The following SLC6A11 variants were observed in gnomAD, a reference collection of about 807,000 sequenced individuals.
The protein encoded by SLC6A11 is sodium- and chloride-dependent GABA transporter 3.
SLC6A11 carries 25 observed loss-of-function variants against 74.8 expected under a neutral mutation model. The observed-to-expected ratio is 0.33, with a 90% CI of 0.24 to 0.47. The LOEUF (loss-of-function observed/expected upper bound fraction) is 0.47, where lower values mean the gene tolerates loss of function less well. Ranked by LOEUF, SLC6A11 falls within the 20% of genes least tolerant of loss-of-function variation. The pLI is 1.00. For synonymous variants in SLC6A11, 330 were observed against 330.2 expected, an observed-to-expected ratio of 1.00 and a Z score of 0.01; for missense variants, 574 against 837.0, an observed-to-expected ratio of 0.69 and a Z score of 3.88.
chr3:10,826,510 A>T (rs1339993475), intron 4 of SLC6A11, among the ~76,000 whole-genome samples: 1 of 152,224 alleles, frequency 6.6e-6, no homozygotes, highest in Non-Finnish European at 1.5e-5. Context: ...TGCACCACTC[A>T]TTTCCTTTGT....
intron 4 of SLC6A11, among the ~76,000 whole-genome samples, chr3:10,834,520 T>C (rs1694341304): frequency 6.6e-6 from 1 of 152,090 alleles, no homozygotes; most frequent in Non-Finnish European, 1.5e-5. Flanking sequence ...CTTTAGGAAG[T>C]GGCTTTAGAG....
chr3:10,918,716 G>A lies in SLC6A11; in HGVS notation c.1120+263G>A, dbSNP rs1352867155. Among the ~76,000 whole-genome samples, 6 of 152,050 alleles carry A rather than the reference G, an allele frequency of 3.9e-5. No individual in the cohort carries two copies. The East Asian group carries it at 5.8e-4, about 15-fold the overall frequency. The stretch of plus-strand genomic sequence containing the variant: ...TCATTCATTTCTCCCAAGCTTCACC[G>A]TCTCCCCACTAGCCCGGACCACCAT... On this transcript the variant is annotated intron_variant, in intron 8 of 13. Coordinates refer to ENST00000254488, the MANE Select transcript of SLC6A11 (RefSeq NM_014229.3). This position sits in a 1 kb window ranked among gnomAD's most constrained non-coding sequence, Gnocchi z 4.5.
At chr3:10,818,600 G>GGA (rs1376787636) in intron 1 of SLC6A11, among the ~76,000 whole-genome samples, 9 of 152,280 alleles carry the variant, frequency 5.9e-5, no homozygotes, top group Admixed American at 1.3e-4. Flanking sequence ...TTACGGTTAA[G>GGA]GAGACTTCAT....
At chr3:10,882,619 G>A (rs1193476551) in intron 6 of SLC6A11, among the ~76,000 whole-genome samples, 1 of 152,202 alleles carries the variant, frequency 6.6e-6, no homozygotes, top group Non-Finnish European at 1.5e-5. Flanking sequence ...CCAAACAAGT[G>A]AACAAAGGAA....
intron 6 of SLC6A11, among the ~76,000 whole-genome samples, chr3:10,905,329 T>A (rs1028028797): frequency 2.0e-5 from 3 of 152,254 alleles, no homozygotes; most frequent in Admixed American, 6.5e-5. Context: ...AAGGCAACCC[T>A]CAGGCCTAAT....
At chr3:10,865,562 C>T (rs1052520599) in intron 5 of SLC6A11, among the ~76,000 whole-genome samples, 4 of 152,196 alleles carry the variant, frequency 2.6e-5, no homozygotes, top group African/African-American at 9.6e-5. Flanking sequence ...ACTTGGGAGG[C>T]TGAGGCAGGA....
chr3:10,912,199 C>T lies in SLC6A11; in HGVS notation c.995+6C>T, dbSNP rs1236875119. The T allele has an allele frequency of 3.2e-6, 5 of 1,584,276 alleles. No homozygotes were observed. Among genetic ancestry groups the T allele is most frequent in the Middle Eastern group, 1.7e-4 (1 of 5,890 alleles). ...TATAACAACAACTGCTACAGGTGAGCATTTCCCTGGGCCCTGCCAGCTCTC... is the reference window on the plus strand; with the variant it reads ...TATAACAACAACTGCTACAGGTGAGTATTTCCCTGGGCCCTGCCAGCTCTC... On this transcript the variant is annotated splice_donor_region_variant and intron_variant, in intron 7 of 13. Transcript: ENST00000254488.
intron 6 of SLC6A11, among the ~76,000 whole-genome samples, chr3:10,903,658 T>G (rs2106621613): frequency 6.6e-6 from 1 of 152,328 alleles, no homozygotes; most frequent in Middle Eastern, 3.4e-3. Context: ...TCCAGGTTTT[T>G]GAGTACTGGA....
chr3:10,886,652 CA>C, intron 6 of SLC6A11, among the ~76,000 whole-genome samples: 1 of 152,112 alleles, frequency 6.6e-6, no homozygotes. Flanking sequence ...ACTAAAAATA[CA>C]AAAATTAGCC....
intron 10 of SLC6A11, among the ~76,000 whole-genome samples, chr3:10,929,741 T>A (rs1036767744): frequency 1.3e-5 from 2 of 152,192 alleles, no homozygotes; most frequent in Non-Finnish European, 2.9e-5. Flanking sequence ...TTTCTGGGCA[T>A]CTCTGAGAAG....
chr3:10,818,195 T>C lies in SLC6A11; in HGVS notation c.257-1270T>C, dbSNP rs113718824. Among the ~76,000 whole-genome samples the C allele has an allele frequency of 8.5e-4, 130 of 152,164 alleles. 1 individual carries two copies. The highest frequency in any genetic ancestry group is 3.0e-3 in the African/African-American group (124 of 41,502). On this transcript the variant is annotated intron_variant, in intron 1 of 13. Transcript: ENST00000254488. The stretch of plus-strand genomic sequence containing the variant: ...GATCTCCTGGTTTGGTAGAGTTTAT[T>C]GTCCTAAGGGTTAGTAGCTTTGTGA...
chr3:10,876,940 A>G (rs983541962), intron 6 of SLC6A11, among the ~76,000 whole-genome samples: 2 of 152,120 alleles, frequency 1.3e-5, no homozygotes, highest in Non-Finnish European at 2.9e-5. Flanking sequence ...TGGTTCTGCC[A>G]TGGAACCTGA....
In SLC6A11 at chr3:10,870,930, T is replaced by A. The variant is rs191271695; in HGVS notation, c.757-4031T>A. On this transcript the variant is annotated intron_variant, in intron 5 of 13. Transcript: ENST00000254488. The stretch of plus-strand genomic sequence containing the variant: ...GGGCAATTCATTTGAATATTTTATT[T>A]CCCTTGATTTCTTTTCCCTTGGTTT... Among the ~76,000 whole-genome samples, 24 of 152,342 alleles carry A rather than the reference T, an allele frequency of 1.6e-4. No homozygotes were observed. In the East Asian group the frequency reaches 4.6e-3, roughly 29 times the overall value.
chr3:10,822,030 A>G (rs1006041303), intron 3 of SLC6A11, among the ~76,000 whole-genome samples: 9 of 152,372 alleles, frequency 5.9e-5, no homozygotes, highest in South Asian at 2.1e-4. Context: ...AAGCAGGCAG[A>G]CAATCTGGAT....
chr3:10,831,910 A>C (rs534180717), intron 4 of SLC6A11, among the ~76,000 whole-genome samples: 1 of 152,164 alleles, frequency 6.6e-6, no homozygotes, highest in African/African-American at 2.4e-5. Flanking sequence ...TGCTTTCTGA[A>C]TGGTTCATCA....
At chr3:10,936,457 G>A (rs545238060) in intron 13 of SLC6A11, among the ~76,000 whole-genome samples, 8 of 152,308 alleles carry the variant, frequency 5.3e-5, no homozygotes, top group East Asian at 3.9e-4. Context: ...CCCAGGAGGC[G>A]ATGGGGAGTG....
At chr3:10,929,360 C>T (rs41315896) in intron 10 of SLC6A11, 21 bp downstream of exon 10, 99 of 1,612,078 alleles carry the variant, frequency 6.1e-5, no homozygotes, top group East Asian at 8.9e-5. Context: ...TGGTTCGGGC[C>T]GCACGGGGTG....
In SLC6A11 at chr3:10,926,078, T is replaced by C. The variant is rs756280414; in HGVS notation, c.1195T>C (p.Phe399Leu). ...TCTCTCCCCGCTGTGGGCCACCTTGTTCTTCATGATGCTCATCTTCCTGGG... is the reference window on the plus strand; with the variant it reads ...TCTCTCCCCGCTGTGGGCCACCTTGCTCTTCATGATGCTCATCTTCCTGGG... Reference protein sequence around the residue: ...MPLSPLWATLFFMMLIFLGLD... With the variant: ...MPLSPLWATLLFMMLIFLGLD... Residue 399 changes from phenylalanine to leucine, a missense_variant, in exon 9 of 14, where the codon TTC (phenylalanine) becomes CTC (leucine). Physicochemically the swap from Phe to Leu is conservative, Grantham distance 22. Coordinates refer to ENST00000254488, the MANE Select transcript of SLC6A11 (RefSeq NM_014229.3). This position sits in a 1 kb window ranked among gnomAD's most constrained non-coding sequence, Gnocchi z 5.7. 1 of 1,613,576 alleles carries C rather than the reference T, an allele frequency of 6.2e-7. No individual in the cohort carries two copies. The highest frequency in any genetic ancestry group is 8.5e-7 in the Non-Finnish European group (1 of 1,179,590).
chr3:10,856,487 G>T (rs1694639692), intron 5 of SLC6A11, among the ~76,000 whole-genome samples: 1 of 152,224 alleles, frequency 6.6e-6, no homozygotes. Flanking sequence ...GCGAGTGTTG[G>T]CAAATCCACT....
Sources: gnomAD v4.1 joint callset for allele counts (sites outside exome capture counted in the v4.1 genomes callset) on GRCh38, gnomAD v4.1.1 for gene constraint, Gnocchi (gnomAD v3.1) non-coding constraint, MANE v1.5 for transcripts, NCBI Gene and HGNC (gene_info 2026-07-23, HGNC 2026-07-21) for gene names.